The following TAC3 variants were observed in gnomAD, a reference collection of about 807,000 sequenced individuals.
TAC3 encodes the protein tachykinin precursor 3, also known as tachykinin-3.
In TAC3, 9 loss-of-function variants were observed where a neutral mutation model predicts 16.5. That is an observed-to-expected ratio of 0.55 (90% CI 0.33 to 0.95). The LOEUF is 0.95. Ranked by LOEUF, TAC3 falls within the 40% of genes least tolerant of loss-of-function variation. TAC3 has a pLI of 0.03. For synonymous variants in TAC3, 52 were observed against 56.7 expected (o/e 0.92, Z 0.37); for missense variants, 129 against 149.1 (o/e 0.87, Z 0.70).
At chr12:57,014,541 G>A (rs1396553093) in intron 2 of TAC3, among the ~76,000 whole-genome samples, 1 of 152,108 alleles carries the variant, frequency 6.6e-6, no homozygotes, top group Admixed American at 6.5e-5. Flanking sequence ...GGGGTAGGAT[G>A]GCAATCCCTC....
chr12:57,015,780 T>A lies in TAC3; in HGVS notation c.18A>T (p.Leu6=). The A allele has an allele frequency of 6.2e-7, 1 of 1,614,132 alleles. No individual in the cohort carries two copies. Among genetic ancestry groups the A allele is most frequent in the Non-Finnish European group, 8.5e-7 (1 of 1,179,992 alleles). ...GGCTGAAGGCCAGGATGGCTGTGAA[T>A]AGCAGCATGATCCTCATGGTGCCTG... MRIML[L]FTAILAFSLA... The change falls in exon 2 of 7, where the codon CTA becomes CTT. Residue 6 remains leucine, a synonymous_variant. Transcript: ENST00000458521.
intron 4 of TAC3, 27 bp from the exon 5 acceptor site, chr12:57,012,902 C>T: frequency 6.2e-7 from 1 of 1,614,034 alleles, no homozygotes; most frequent in South Asian, 1.1e-5. Flanking sequence ...ACATTGTCAG[C>T]AGTGATGATG....
chr12:57,015,672 G>T lies in TAC3; in HGVS notation c.114+12C>A. ...CCGTGATGTCCCCAGTACTCTGCCA[G>T]GGGAGACTTACCTTGCTGCGGCCCC... On this transcript the variant is annotated intron_variant, in intron 2 of 6. Transcript: ENST00000458521. The T allele has an allele frequency of 6.2e-7, 1 of 1,611,406 alleles. No homozygotes were observed. The highest frequency in any genetic ancestry group is 8.5e-7 in the Non-Finnish European group (1 of 1,178,406).
At chr12:57,012,934 G>T (rs1592457768) in intron 4 of TAC3, 59 bp from the exon 5 acceptor site, 20 of 1,603,758 alleles carry the variant, frequency 1.2e-5, no homozygotes, top group Non-Finnish European at 1.7e-5. Flanking sequence ...CATCTCCCCA[G>T]ACATGGGTCA....
intron 5 of TAC3, 164 bp downstream of exon 5, chr12:57,012,658 C>T (rs1173724294): frequency 2.5e-6 from 4 of 1,613,126 alleles, no homozygotes; most frequent in Non-Finnish European, 3.4e-6. Context: ...CCAGGGAAGA[C>T]TTTCCTGTGG....
chr12:57,015,677 G>A lies in TAC3; in HGVS notation c.114+7C>T, dbSNP rs1397405090. The A allele has an allele frequency of 2.1e-5, 34 of 1,612,596 alleles. No homozygotes were observed. The highest frequency in any genetic ancestry group is 2.7e-5 in the Non-Finnish European group (32 of 1,179,378). On this transcript the variant is annotated splice_region_variant and intron_variant, in intron 2 of 6. Coordinates refer to ENST00000458521, the MANE Select transcript of TAC3 (RefSeq NM_013251.4). Reference sequence around the variant, plus strand: ...ATGTCCCCAGTACTCTGCCAGGGGAGACTTACCTTGCTGCGGCCCCCGCCA... The same window carrying A: ...ATGTCCCCAGTACTCTGCCAGGGGAAACTTACCTTGCTGCGGCCCCCGCCA...
At chr12:57,010,325 CT>C in intron 6 of TAC3, 37 bp from the exon 7 acceptor site, 2 of 393,340 alleles carry the variant, frequency 5.1e-6, no homozygotes, top group Non-Finnish European at 1.0e-5. Flanking sequence ...AAAAAAAACA[CT>C]GAAATCACAT....
intron 2 of TAC3, among the ~76,000 whole-genome samples, chr12:57,014,255 T>C (rs1956343321): frequency 6.6e-6 from 1 of 151,906 alleles, no homozygotes; most frequent in Non-Finnish European, 1.5e-5. Flanking sequence ...GCAACTTGCG[T>C]ACAGCAGGGT....
At chr12:57,012,211 C>T in intron 6 of TAC3, 167 bp downstream of exon 6, 1 of 656,236 alleles carries the variant, frequency 1.5e-6, no homozygotes, top group Non-Finnish European at 2.7e-6. Flanking sequence ...AACACACGTG[C>T]CTCTAAGTGT....
chr12:57,014,720 G>A (rs1053223894), intron 2 of TAC3, among the ~76,000 whole-genome samples: 2 of 151,072 alleles, frequency 1.3e-5, no homozygotes, highest in Admixed American at 6.6e-5. Flanking sequence ...TTTTTTTAAC[G>A]GTTCTGGCCT....
chr12:57,013,186 T>G, intron 4 of TAC3, 173 bp downstream of exon 4: 2 of 850,906 alleles, frequency 2.4e-6, no homozygotes, highest in Non-Finnish European at 3.9e-6. Context: ...CACACCAGCT[T>G]CCTCCTAGTT....
At chr12:57,012,703 C>G in intron 5 of TAC3, 119 bp downstream of exon 5, 1 of 1,613,112 alleles carries the variant, frequency 6.2e-7, no homozygotes. Context: ...GCCGAGGAAC[C>G]CTCACTGAAG....
intron 6 of TAC3, among the ~76,000 whole-genome samples, chr12:57,010,554 C>T (rs1335274607): frequency 2.0e-5 from 3 of 152,164 alleles, no homozygotes; most frequent in African/African-American, 7.2e-5. Flanking sequence ...CAGTGGGGCC[C>T]ATGTGGACCA....
At position 57,012,359 on chromosome 12, in the gene TAC3, T is replaced by C. The variant is rs763729966; in HGVS notation, c.*1+19A>G. The stretch of plus-strand genomic sequence containing the variant: ...CCCCTCCCCAGTCCCCTCTCCCCTC[T>C]CTAATGAACAATCCTTACCCTATTC... On this transcript the variant is annotated intron_variant, in intron 6 of 6. Coordinates refer to ENST00000458521, the MANE Select transcript of TAC3 (RefSeq NM_013251.4). 4.0e-6 allele frequency: 6 copies of C among 1,509,696 alleles called. No homozygotes were observed. In the South Asian group the frequency reaches 6.7e-5, roughly 17 times the overall value. The allele number at this position is 1,509,696 out of a possible 1,614,324, so 93.5% of individuals were successfully genotyped here.
intron 2 of TAC3, among the ~76,000 whole-genome samples, chr12:57,014,251 T>C (rs1040320106): frequency 2.0e-5 from 3 of 151,808 alleles, no homozygotes; most frequent in Non-Finnish European, 4.4e-5. Flanking sequence ...TTTAGCAACT[T>C]GCGTACAGCA....
intron 2 of TAC3, 42 bp from the exon 3 acceptor site, chr12:57,013,713 C>G (rs1197385689): frequency 1.3e-5 from 19 of 1,492,046 alleles, no homozygotes; most frequent in Non-Finnish European, 1.7e-5. Flanking sequence ...AGGCTCCCAC[C>G]CGGATCCACT....
At chr12:57,011,143 C>T (rs1421328308) in intron 6 of TAC3, among the ~76,000 whole-genome samples, 1 of 152,178 alleles carries the variant, frequency 6.6e-6, no homozygotes. Context: ...CAGCAAGTTA[C>T]AGTTATTATA....
At chr12:57,014,563 C>T (rs1956347226) in intron 2 of TAC3, among the ~76,000 whole-genome samples, 1 of 152,158 alleles carries the variant, frequency 6.6e-6, no homozygotes, top group Non-Finnish European at 1.5e-5. Flanking sequence ...CATTCATTGA[C>T]CAAGAGGGGC....
At chr12:57,014,287 C>T in intron 2 of TAC3, among the ~76,000 whole-genome samples, 1 of 152,006 alleles carries the variant, frequency 6.6e-6, no homozygotes, top group Non-Finnish European at 1.5e-5. Flanking sequence ...ACCACACAGC[C>T]AGTTAATTGC....
Sources: allele counts gnomAD v4.1 joint callset (sites outside exome capture counted in the v4.1 genomes callset), GRCh38; gene constraint gnomAD v4.1.1; transcripts MANE v1.5; gene names NCBI Gene and HGNC (gene_info 2026-07-23, HGNC 2026-07-21).